The following CDC42BPB variants were observed in gnomAD, a reference collection of about 807,000 sequenced individuals.
The protein encoded by CDC42BPB is CDC42 binding protein kinase beta.
A neutral mutation model predicts 214.9 loss-of-function variants in CDC42BPB; 37 were observed. The ratio of observed to expected loss-of-function variants is 0.17; its 90% confidence interval spans 0.13 to 0.23. The LOEUF (loss-of-function observed/expected upper bound fraction) is 0.23, where lower values mean the gene tolerates loss of function less well. Among genes scored for constraint, CDC42BPB ranks in the 10% least tolerant of loss-of-function variants. The pLI is 1.00. For missense variants in CDC42BPB, 1,694 were observed against 2,227.0 expected (o/e 0.76, Z 4.82); for synonymous variants, 931 against 884.0 (o/e 1.05, Z -0.94).
intron 1 of CDC42BPB, 36 bp from the exon 2 acceptor site, chr14:103,012,224 A>T (rs185881008): frequency 6.4e-7 from 1 of 1,564,012 alleles, no homozygotes; most frequent in Non-Finnish European, 8.8e-7. Context: ...AATTTAGTCT[A>T]ATCAGTTCAT....
intron 14 of CDC42BPB, among the ~76,000 whole-genome samples, chr14:102,969,645 G>A (rs1169514659): frequency 6.6e-6 from 1 of 152,228 alleles, no homozygotes; most frequent in African/African-American, 2.4e-5. Context: ...AAGGAGATCC[G>A]CCTCCGGCCC....
intron 1 of CDC42BPB, among the ~76,000 whole-genome samples, chr14:103,033,244 C>T (rs779440300): frequency 7.9e-5 from 12 of 151,950 alleles, no homozygotes; most frequent in Admixed American, 4.6e-4. Flanking sequence ...TGTTTTGAGA[C>T]GGAGTATCGC....
intron 4 of CDC42BPB, among the ~76,000 whole-genome samples, chr14:103,002,034 G>A (rs1418952216): frequency 1.3e-5 from 2 of 152,208 alleles, no homozygotes; most frequent in Non-Finnish European, 2.9e-5. Context: ...TTAGTTAGCA[G>A]TCAAACAGGT....
At chr14:102,999,289 G>A (rs2139592041) in intron 5 of CDC42BPB, among the ~76,000 whole-genome samples, 1 of 152,256 alleles carries the variant, frequency 6.6e-6, no homozygotes, top group East Asian at 1.9e-4. Flanking sequence ...GGGGGTCTCA[G>A]ACGGGGAGAA....
chr14:103,029,858 C>CAAAA (rs11299296), intron 1 of CDC42BPB, among the ~76,000 whole-genome samples: 369 of 62,214 alleles, frequency 5.9e-3, no homozygotes, highest in Middle Eastern at 0.012. Context: ...ACTCCATCTC[C>CAAAA]AAAAAAAAAA....
chr14:102,982,759 T>A (rs1894061293), intron 7 of CDC42BPB, among the ~76,000 whole-genome samples: 1 of 151,086 alleles, frequency 6.6e-6, no homozygotes, highest in Non-Finnish European at 1.5e-5. Flanking sequence ...AAACTCCGTC[T>A]CAAAAAAAAA....
At chr14:102,993,448 C>T (rs951137946) in intron 5 of CDC42BPB, among the ~76,000 whole-genome samples, 6 of 151,976 alleles carry the variant, frequency 3.9e-5, no homozygotes, top group Admixed American at 6.6e-5. Flanking sequence ...GACTCTCCCA[C>T]GTCCACCAGT....
At chr14:102,999,173 CGTGAG>C (rs1894868816) in intron 5 of CDC42BPB, among the ~76,000 whole-genome samples, 1 of 16,944 alleles carries the variant, frequency 5.9e-5, no homozygotes, top group African/African-American at 3.2e-4. Flanking sequence ...CCGGGGCCCA[CGTGAG>C]CCCCAGGGAG....
chr14:102,954,775 G>A, intron 21 of CDC42BPB, 87 bp from the exon 22 acceptor site: 1 of 1,517,048 alleles, frequency 6.6e-7, no homozygotes, highest in Non-Finnish European at 8.9e-7. Flanking sequence ...ACTAATAAAA[G>A]CAGATTCTGT....
At chr14:103,008,764 T>C in intron 2 of CDC42BPB, 1 of 824,166 alleles carries the variant, frequency 1.2e-6, no homozygotes, top group Non-Finnish European at 1.5e-6. Context: ...GGCTCCGGAG[T>C]TTCACTCCTG....
chr14:103,012,894 T>C (rs1040438133), intron 1 of CDC42BPB, among the ~76,000 whole-genome samples: 1 of 152,194 alleles, frequency 6.6e-6, no homozygotes, highest in Non-Finnish European at 1.5e-5. Flanking sequence ...TGCACAGGTG[T>C]GTAACCCAGG....
chr14:102,998,356 A>G (rs189801670), intron 5 of CDC42BPB, among the ~76,000 whole-genome samples: 13 of 152,338 alleles, frequency 8.5e-5, no homozygotes, highest in Admixed American at 8.5e-4. Context: ...ATAATTTTAC[A>G]AATTTACAAT....
At chr14:103,020,066 C>T (rs534957926) in intron 1 of CDC42BPB, among the ~76,000 whole-genome samples, 40 of 152,314 alleles carry the variant, frequency 2.6e-4, no homozygotes, top group Middle Eastern at 3.4e-3. Flanking sequence ...CTGAGGCAGG[C>T]GGGCAGGAAG....
At chr14:103,038,242 G>A (rs1193034433) in intron 1 of CDC42BPB, among the ~76,000 whole-genome samples, 1 of 151,212 alleles carries the variant, frequency 6.6e-6, no homozygotes, top group Non-Finnish European at 1.5e-5. Context: ...GGCTGAGGCA[G>A]GAGAATAGCG....
chr14:103,003,515 C>T (rs1019880198), intron 4 of CDC42BPB, among the ~76,000 whole-genome samples: 2 of 152,208 alleles, frequency 1.3e-5, no homozygotes, highest in Non-Finnish European at 2.9e-5. Flanking sequence ...CCCCCCACCG[C>T]GGGAAGACAG....
At chr14:102,946,072 G>C (rs1202163381) in intron 28 of CDC42BPB, among the ~76,000 whole-genome samples, 1 of 151,324 alleles carries the variant, frequency 6.6e-6, no homozygotes, top group African/African-American at 2.4e-5. Context: ...GCAGTGGTGT[G>C]ATCTCGGCTC....
At chr14:102,948,028 G>A in intron 26 of CDC42BPB, 2 of 937,246 alleles carry the variant, frequency 2.1e-6, no homozygotes, top group Non-Finnish European at 2.5e-6. Context: ...AAACCCCGGA[G>A]CCTCATCCCC....
At chr14:103,016,934 G>C (rs1351241769) in intron 1 of CDC42BPB, among the ~76,000 whole-genome samples, 1 of 152,090 alleles carries the variant, frequency 6.6e-6, no homozygotes, top group African/African-American at 2.4e-5. Flanking sequence ...TCCAGAGCTG[G>C]GTCAGGAAAC....
chr14:103,002,798 G>A (rs917133347), intron 4 of CDC42BPB, among the ~76,000 whole-genome samples: 2 of 152,124 alleles, frequency 1.3e-5, no homozygotes, highest in Non-Finnish European at 2.9e-5. Flanking sequence ...GAAGACGGAC[G>A]GGGACCCCTG....
Sources: allele counts gnomAD v4.1 joint callset (sites outside exome capture counted in the v4.1 genomes callset), GRCh38; gene constraint gnomAD v4.1.1; transcripts MANE v1.5; gene names NCBI Gene and HGNC (gene_info 2026-07-23, HGNC 2026-07-21).